ZNF740: variants seen among roughly 807,000 people sequenced by gnomAD.
ZNF740 encodes oriLyt TD-element-binding protein 7.
Under a neutral mutation model 24.8 loss-of-function variants are expected in ZNF740, and 14 were observed. The ratio of observed to expected loss-of-function variants is 0.56; its 90% CI spans 0.37 to 0.88. The LOEUF (loss-of-function observed/expected upper bound fraction) is 0.88, where lower values mean the gene tolerates loss of function less well. Ranked by LOEUF, ZNF740 falls within the 40% of genes least tolerant of loss-of-function variation. The probability of loss-of-function intolerance (pLI) is 0.00; values close to 1 mark genes in which losing one functional copy is unlikely to be tolerated. For missense variants in ZNF740, 201 were observed against 247.9 expected, an observed-to-expected ratio of 0.81 and a Z score of 1.27; for synonymous variants, 69 against 84.0, an observed-to-expected ratio of 0.82 and a Z score of 0.98.
intron 1 of ZNF740, chr12:53,181,176 G>C (rs1941609274): frequency 3.0e-6 from 3 of 985,352 alleles, no homozygotes; most frequent in Non-Finnish European, 3.6e-6. Flanking sequence ...GCGACACGCC[G>C]CGCCGGGCTT....
At position 53,188,883 on chromosome 12, in the gene ZNF740, A is replaced by G. The variant is rs1941874965; in HGVS notation, c.*1293A>G. On this transcript the variant is annotated 3_prime_UTR_variant, in exon 7 of 7. Transcript: ENST00000416904. ...CACCTTGTCCACTCCCAAAAAAGTA[A>G]TCGGGTGTGTGTGTGTGTGTGAGAG... is the stretch of plus-strand genomic sequence containing the variant. The G allele has an allele frequency of 6.6e-6, 1 of 152,078 alleles. No individual in the cohort carries two copies. Among genetic ancestry groups the G allele is most frequent in the Non-Finnish European group, 1.5e-5 (1 of 68,028 alleles). 9.4% of individuals were successfully genotyped at this position (152,078 alleles called of 1,614,324 possible). A position where few individuals can be genotyped will look rare whatever the true frequency, so the allele number is the denominator to read the frequency against.
At chr12:53,187,151 A>G (rs1393524573) in intron 6 of ZNF740, among the ~76,000 whole-genome samples, 1 of 152,150 alleles carries the variant, frequency 6.6e-6, no homozygotes, top group Non-Finnish European at 1.5e-5. Context: ...CTGGTTCTCT[A>G]CTCTGTATCT....
chr12:53,193,605 C>G lies in ZNF740; in HGVS notation c.*6015C>G, dbSNP rs143314023. 4.9e-5 allele frequency: 52 copies of G among 1,052,636 alleles called. No homozygotes were observed. Among genetic ancestry groups the G allele is most frequent in the African/African-American group, 1.6e-5 (1 of 61,858 alleles). The allele number at this position is 1,052,636 out of a possible 1,614,324, so 65.2% of individuals were successfully genotyped here. A position where few individuals can be genotyped will look rare whatever the true frequency, so the allele number is the denominator to read the frequency against. ...GAAACTGAGTGGGGAGTCGGGATGT[C>G]GAGGAGACTCCTGTGGGGGGGATGG... On this transcript the variant is annotated 3_prime_UTR_variant, in exon 7 of 7. Coordinates refer to ENST00000416904, the MANE Select transcript of ZNF740 (RefSeq NM_001004304.4).
Position 53,192,303 on chromosome 12 carries a change from G to A in ZNF740, c.*4713G>A. ...TGAGACCCTGCCCATCAAACTTCCA[G>A]GGTTTGTGGCATCCCTGCCCACTTA... On this transcript the variant is annotated 3_prime_UTR_variant, in exon 7 of 7. Coordinates refer to ENST00000416904, the MANE Select transcript of ZNF740 (RefSeq NM_001004304.4). 1 of 1,610,220 alleles carries A rather than the reference G, an allele frequency of 6.2e-7. No individual in the cohort carries two copies. Among genetic ancestry groups the A allele is most frequent in the South Asian group, 1.1e-5 (1 of 90,980 alleles).
At chr12:53,185,249 G>A in intron 3 of ZNF740, 138 bp from the exon 4 acceptor site, 4 of 1,157,868 alleles carry the variant, frequency 3.5e-6, no homozygotes, top group Non-Finnish European at 4.9e-6. Context: ...TGCTTGGAGA[G>A]GAAATAGTTG....
intron 6 of ZNF740, 124 bp from the exon 7 acceptor site, chr12:53,187,377 C>A (rs984092032): frequency 2.2e-5 from 17 of 768,716 alleles, no homozygotes; most frequent in Non-Finnish European, 3.5e-5. Flanking sequence ...CCGTGTGCTC[C>A]TGCTGTCTGT....
At chr12:53,185,318 A>C in intron 3 of ZNF740, 69 bp from the exon 4 acceptor site, 1 of 1,515,312 alleles carries the variant, frequency 6.6e-7, no homozygotes, top group Non-Finnish European at 9.1e-7. Flanking sequence ...ATTTTGTCTG[A>C]GAGCTGCATT....
Position 53,194,158 on chromosome 12 carries a change from TC to T in ZNF740, c.*6573del. ...GCCTGCTTAATTTCCCACTCCCACC[TC>T]CCCCTGCCCGCCTTCTGCCTGTGCT... On this transcript the variant is annotated 3_prime_UTR_variant, in exon 7 of 7. Transcript: ENST00000416904. 1 of 1,611,308 alleles carries T rather than the reference TC, an allele frequency of 6.2e-7. No individual in the cohort carries two copies. Among genetic ancestry groups the T allele is most frequent in the African/African-American group, 1.3e-5 (1 of 74,846 alleles).
Position 53,192,002 on chromosome 12 carries a change from G to C in ZNF740, c.*4412G>C. 1.9e-6 allele frequency: 3 copies of C among 1,612,980 alleles called. No individual in the cohort carries two copies. Among genetic ancestry groups the C allele is most frequent in the Non-Finnish European group, 2.5e-6 (3 of 1,179,822 alleles). On this transcript the variant is annotated 3_prime_UTR_variant, in exon 7 of 7. Transcript: ENST00000416904. ...CCTACGCAGCCCAGCACAATGGCCT[G>C]CGTGTGGTCTGCTCCCTCTGTGAAC...
rs779877093 is a variant in ZNF740 at position 53,192,285 on chromosome 12, C to T, written c.*4695C>T. On this transcript the variant is annotated 3_prime_UTR_variant, in exon 7 of 7. Transcript: ENST00000416904. ...ACTCTGCATCCCCAGAGTTGAGACCCTGCCCATCAAACTTCCAGGGTTTGT... is the reference window on the plus strand; with the variant it reads ...ACTCTGCATCCCCAGAGTTGAGACCTTGCCCATCAAACTTCCAGGGTTTGT... The T allele has an allele frequency of 2.8e-5, 45 of 1,585,036 alleles. No homozygotes were observed. The highest frequency in any genetic ancestry group is 1.7e-5 in the Admixed American group (1 of 59,934).
chr12:53,193,899 C>T lies in ZNF740; in HGVS notation c.*6309C>T, dbSNP rs1344586401. On this transcript the variant is annotated 3_prime_UTR_variant, in exon 7 of 7. Coordinates refer to ENST00000416904, the MANE Select transcript of ZNF740 (RefSeq NM_001004304.4). ...TGGCTTGGAGAGAAACCCAGAAAGTCACCTGAGAAGAGGCAGGAATCAGGC... is the reference window on the plus strand; with the variant it reads ...TGGCTTGGAGAGAAACCCAGAAAGTTACCTGAGAAGAGGCAGGAATCAGGC... 2.5e-6 allele frequency: 4 copies of T among 1,611,636 alleles called. No individual in the cohort carries two copies. In the South Asian group the frequency reaches 4.4e-5, roughly 18 times the overall value.
intron 2 of ZNF740, among the ~76,000 whole-genome samples, chr12:53,184,142 T>TGTGTGTGTGTGCGC (rs1941767806): frequency 1.9e-5 from 2 of 104,546 alleles, no homozygotes; most frequent in Non-Finnish European, 4.0e-5. Flanking sequence ...TGTGTGTGTG[T>TGTGTGTGTGTGCGC]GTGTGTGTGC....
rs773757728 is a variant in ZNF740, at chr12:53,193,314, G to C, written c.*5724G>C. The stretch of plus-strand genomic sequence containing the variant: ...CCAGATTCCAGGTCTGGGGAGGACA[G>C]CTCTGCCACAGAGCACTCACAGAGC... On this transcript the variant is annotated 3_prime_UTR_variant, in exon 7 of 7. Coordinates refer to ENST00000416904, the MANE Select transcript of ZNF740 (RefSeq NM_001004304.4). The C allele has an allele frequency of 3.1e-6, 5 of 1,608,930 alleles. No homozygotes were observed.
At chr12:53,186,155 G>A in intron 5 of ZNF740, 78 bp downstream of exon 5, 3 of 1,539,160 alleles carry the variant, frequency 1.9e-6, no homozygotes, top group Non-Finnish European at 2.6e-6. Flanking sequence ...GCTCTAGTTG[G>A]GTTTATTTTA....
Position 53,188,559 on chromosome 12 carries a change from A to G in ZNF740, c.*969A>G, listed in dbSNP as rs982017432. 1.3e-5 allele frequency: 2 copies of G among 152,634 alleles called. No individual in the cohort carries two copies. Among genetic ancestry groups the G allele is most frequent in the African/African-American group, 2.4e-5 (1 of 41,434 alleles). 9.5% of individuals were successfully genotyped at this position (152,634 alleles called of 1,614,324 possible). On this transcript the variant is annotated 3_prime_UTR_variant, in exon 7 of 7. Coordinates refer to ENST00000416904, the MANE Select transcript of ZNF740 (RefSeq NM_001004304.4). Reference sequence around the variant, plus strand: ...TAGGAACAACCCAAGACTGGTCCCAAGTTGGCTAACAGCTGCTCAAGAAAC... The same window carrying G: ...TAGGAACAACCCAAGACTGGTCCCAGGTTGGCTAACAGCTGCTCAAGAAAC...
rs148514331 is a variant in ZNF740 at position 53,192,436 on chromosome 12, C to T, written c.*4846C>T. 2.6e-4 allele frequency: 416 copies of T among 1,614,128 alleles called. 1 individual carries two copies. The African/African-American group carries it at 5.2e-3, about 20-fold the overall frequency. ...TCCGCTCTTTGCACCAGCCATCATC[C>T]AAGATAGGGGCCAAGGCCAGGGTCA... On this transcript the variant is annotated 3_prime_UTR_variant, in exon 7 of 7. Transcript: ENST00000416904.
intron 6 of ZNF740, chr12:53,186,819 A>C (rs1941831427): frequency 9.3e-6 from 2 of 215,436 alleles, no homozygotes; most frequent in African/African-American, 4.5e-5. Flanking sequence ...TATTGTCCTT[A>C]TTTCACGTAT....
rs1941979928 is a variant in ZNF740 at position 53,192,233 on chromosome 12, G to A, written c.*4643G>A. On this transcript the variant is annotated 3_prime_UTR_variant, in exon 7 of 7. Transcript: ENST00000416904. The stretch of plus-strand genomic sequence containing the variant: ...GTCCTGGATTCACAGTTCTGCTTCA[G>A]CCCCCAGCCTGTTTCCCATTATCTT... 9.6e-6 allele frequency: 13 copies of A among 1,357,620 alleles called. No homozygotes were observed. In the South Asian group the frequency reaches 1.6e-4, roughly 17 times the overall value. The allele number at this position is 1,357,620 out of a possible 1,614,324, so 84.1% of individuals were successfully genotyped here.
Position 53,192,403 on chromosome 12 carries a change from G to T in ZNF740, c.*4813G>T. 2 of 1,614,106 alleles carry T rather than the reference G, an allele frequency of 1.2e-6. No homozygotes were observed. The highest frequency in any genetic ancestry group is 2.2e-5 in the South Asian group (2 of 91,086). On this transcript the variant is annotated 3_prime_UTR_variant, in exon 7 of 7. Transcript: ENST00000416904. Reference sequence around the variant, plus strand: ...CCACCAAGAAGAAGAACAGCTGGTTGTCCAGGGTCCGCTCTTTGCACCAGC... The same window carrying T: ...CCACCAAGAAGAAGAACAGCTGGTTTTCCAGGGTCCGCTCTTTGCACCAGC...
Sources: gnomAD v4.1 joint callset for allele counts (sites outside exome capture counted in the v4.1 genomes callset) on GRCh38, gnomAD v4.1.1 for gene constraint, MANE v1.5 for transcripts, NCBI Gene and HGNC (gene_info 2026-07-23, HGNC 2026-07-21) for gene names.